CTSG: variants seen among roughly 807,000 people sequenced by gnomAD.
CTSG encodes cathepsin G.
CTSG carries 23 observed loss-of-function variants against 23.0 expected under a neutral mutation model. That is an observed-to-expected ratio of 1.00 (90% confidence interval 0.72 to 1.42). The LOEUF (loss-of-function observed/expected upper bound fraction) is 1.42. Among genes scored for constraint, CTSG ranks in the 40% most tolerant of loss-of-function variants. The pLI, the probability that CTSG is intolerant of heterozygous loss-of-function variation, is 0.00. For missense variants in CTSG, 312 were observed against 326.2 expected (o/e 0.96, Z 0.33); for synonymous variants, 140 against 130.4 (o/e 1.07, Z -0.50).
chr14:24,574,800 C>T lies in CTSG; in HGVS notation c.214G>A (p.Val72Ile), dbSNP rs1594807198. The change falls in exon 3 of 5, where the codon GTC becomes ATC. Residue 72 changes from valine (V) to isoleucine (I), a missense_variant. By Grantham distance (29) the Val-to-Ile change is conservative. Transcript: ENST00000216336. Reference sequence around the variant, plus strand: ...TGGATATTGTGGGCGCCCAGGGTGACATTTATATTGCTGCAAAAGCAAGAG... The same window carrying T: ...TGGATATTGTGGGCGCCCAGGGTGATATTTATATTGCTGCAAAAGCAAGAG... ...AAHCWGSNIN[V>I]TLGAHNIQRR... 1.2e-6 allele frequency: 2 copies of T among 1,613,680 alleles called. No individual in the cohort carries two copies. Among genetic ancestry groups the T allele is most frequent in the Non-Finnish European group, 1.7e-6 (2 of 1,180,012 alleles).
chr14:24,575,717 A>G (rs917900127), intron 1 of CTSG, among the ~76,000 whole-genome samples: 4 of 152,164 alleles, frequency 2.6e-5, no homozygotes, highest in Admixed American at 6.5e-5. Flanking sequence ...AGCCTCAGGT[A>G]TTGAGGAGAA....
Position 24,574,275 on chromosome 14 carries a change from C to G in CTSG, c.564G>C (p.Gly188=). The change falls in exon 4 of 5, where the codon GGG becomes GGC. Residue 188 remains glycine (G), a synonymous_variant. Coordinates refer to ENST00000216336, the MANE Select transcript of CTSG (RefSeq NM_001911.3). ...SYDPRRQICV[G]DRRERKAAFK... ...AGGCAGCCTTCCGTTCCCGCCGGTC[C>G]CCCACACAAATCTGCCTTCGGGGGT... 6.2e-7 allele frequency: 1 copy of G among 1,600,162 alleles called. No homozygotes were observed. The highest frequency in any genetic ancestry group is 1.1e-5 in the South Asian group (1 of 91,078).
chr14:24,573,905 C>G, intron 4 of CTSG, 95 bp from the exon 5 acceptor site: 1 of 1,153,162 alleles, frequency 8.7e-7, no homozygotes, highest in Non-Finnish European at 1.2e-6. Flanking sequence ...GTGGGTGGGC[C>G]CCTTCAATTG....
chr14:24,574,882 A>ATG, intron 2 of CTSG, 72 bp from the exon 3 acceptor site: 1 of 1,597,732 alleles, frequency 6.3e-7, no homozygotes, highest in Non-Finnish European at 8.5e-7. Context: ...GGCAGACAGC[A>ATG]CGGGGAGGGC....
Position 24,573,735 on chromosome 14 carries a change from G to C in CTSG, c.670C>G (p.Pro224Ala). 1 of 1,614,116 alleles carries C rather than the reference G, an allele frequency of 6.2e-7. No homozygotes were observed. The highest frequency in any genetic ancestry group is 8.5e-7 in the Non-Finnish European group (1 of 1,180,004). Residue 224 changes from proline (P) to alanine (A), a missense_variant, in exon 5 of 5, where the codon CCT (proline) becomes GCT (alanine). Coordinates refer to ENST00000216336, the MANE Select transcript of CTSG (RefSeq NM_001911.3). ...IVSYGKSSGV[P>A]PEVFTRVSSF... Reference sequence around the variant, plus strand: ...GAGACCCTGGTGAAGACTTCTGGAGGAACCCCTGACGACTTTCCATAGGAG... The same window carrying C: ...GAGACCCTGGTGAAGACTTCTGGAGCAACCCCTGACGACTTTCCATAGGAG...
At chr14:24,575,961 C>A (rs1456252700) in intron 1 of CTSG, among the ~76,000 whole-genome samples, 1 of 152,194 alleles carries the variant, frequency 6.6e-6, no homozygotes. Context: ...AGTGTGCGGG[C>A]AATTCCAAGA....
Position 24,573,829 on chromosome 14 carries a change from A to G in CTSG, c.595-19T>C. The stretch of plus-strand genomic sequence containing the variant: ...AATCCCCCTGTAGGTAGAGAGGAGA[A>G]GGGAGACTGAGACAGGCCTCCCTGC... On this transcript the variant is annotated intron_variant, in intron 4 of 4. Transcript: ENST00000216336. 6.2e-7 allele frequency: 1 copy of G among 1,606,056 alleles called. No individual in the cohort carries two copies. Among genetic ancestry groups the G allele is most frequent in the Non-Finnish European group, 8.5e-7 (1 of 1,175,276 alleles).
At position 24,575,375 on chromosome 14, in the gene CTSG, G is replaced by A; in HGVS notation, c.93C>T (p.Ser31=). The A allele has an allele frequency of 6.2e-7, 1 of 1,614,182 alleles. No individual in the cohort carries two copies. Among genetic ancestry groups the A allele is most frequent in the Non-Finnish European group, 8.5e-7 (1 of 1,180,032 alleles). ...TCTGAAGATACGCCATGTAGGGGCGGGAGTGGGGCCTGCTCTCCCGGCCTC... is the reference window on the plus strand; with the variant it reads ...TCTGAAGATACGCCATGTAGGGGCGAGAGTGGGGCCTGCTCTCCCGGCCTC... ...IIGGRESRPH[S]RPYMAYLQIQ... Residue 31 remains serine, a synonymous_variant, in exon 2 of 5, where the codon TCC becomes TCT. Coordinates refer to ENST00000216336, the MANE Select transcript of CTSG (RefSeq NM_001911.3).
chr14:24,573,964 C>T (rs2066727832), intron 4 of CTSG, among the ~76,000 whole-genome samples, 154 bp from the exon 5 acceptor site: 1 of 152,142 alleles, frequency 6.6e-6, no homozygotes, highest in Admixed American at 6.5e-5. Context: ...AGCCAAGCCT[C>T]TGGATCTTTT....
chr14:24,574,522 C>T (rs577801863), intron 3 of CTSG, 23 bp from the exon 4 acceptor site: 2 of 1,613,404 alleles, frequency 1.2e-6, no homozygotes, highest in Admixed American at 1.7e-5. Context: ...TGTAGGCGTT[C>T]CCGCTCAGCT....
chr14:24,574,795 G>A lies in CTSG; in HGVS notation c.219C>T (p.Thr73=). 1 of 1,613,838 alleles carries A rather than the reference G, an allele frequency of 6.2e-7. No homozygotes were observed. Among genetic ancestry groups the A allele is most frequent in the Non-Finnish European group, 8.5e-7 (1 of 1,180,038 alleles). ...AHCWGSNINV[T]LGAHNIQRRE... is the part of the protein sequence containing the mutation. ...GTCTCTGGATATTGTGGGCGCCCAGGGTGACATTTATATTGCTGCAAAAGC... is the reference window on the plus strand; with the variant it reads ...GTCTCTGGATATTGTGGGCGCCCAGAGTGACATTTATATTGCTGCAAAAGC... The change falls in exon 3 of 5, where the codon ACC becomes ACT. Residue 73 remains threonine, a synonymous_variant. Transcript: ENST00000216336.
intron 4 of CTSG, 30 bp downstream of exon 4, chr14:24,574,215 G>A (rs1465526260): frequency 1.3e-6 from 2 of 1,598,286 alleles, no homozygotes; most frequent in Admixed American, 1.7e-5. Context: ...CCTCTCTCCC[G>A]GGGTGTGTTG....
In CTSG at chr14:24,574,512, T is replaced by C. The variant is rs748417446; in HGVS notation, c.340-13A>G. On this transcript the variant is annotated splice_polypyrimidine_tract_variant and intron_variant, in intron 3 of 4. Coordinates refer to ENST00000216336, the MANE Select transcript of CTSG (RefSeq NM_001911.3). Reference sequence around the variant, plus strand: ...CTCTTCTGCTCAGCTGGAGGAAGAATGTAGGCGTTCCCGCTCAGCTGGGGC... The same window carrying C: ...CTCTTCTGCTCAGCTGGAGGAAGAACGTAGGCGTTCCCGCTCAGCTGGGGC... 6 of 1,613,628 alleles carry C rather than the reference T, an allele frequency of 3.7e-6. No individual in the cohort carries two copies. The highest frequency in any genetic ancestry group is 4.5e-5 in the East Asian group (2 of 44,844).
Position 24,573,701 on chromosome 14 carries a change from A to G in CTSG, c.704T>C (p.Leu235Pro), listed in dbSNP as rs2066725961. 3 of 1,614,134 alleles carry G rather than the reference A, an allele frequency of 1.9e-6. No individual in the cohort carries two copies. Among genetic ancestry groups the G allele is most frequent in the East Asian group, 4.5e-5 (2 of 44,866 alleles). Residue 235 changes from leucine to proline, a missense_variant, in exon 5 of 5, where the codon CTG (leucine) becomes CCG (proline). By Grantham distance (98) the Leu-to-Pro change is moderately conservative. Coordinates refer to ENST00000216336, the MANE Select transcript of CTSG (RefSeq NM_001911.3). ...PEVFTRVSSF[L>P]PWIRTTMRSF... Reference sequence around the variant, plus strand: ...TCTCATTGTTGTCCTTATCCAGGGCAGGAAACTTGAGACCCTGGTGAAGAC... The same window carrying G: ...TCTCATTGTTGTCCTTATCCAGGGCGGGAAACTTGAGACCCTGGTGAAGAC...
rs375553712 is a variant in CTSG at position 24,574,644 on chromosome 14, G to C, written c.339+31C>G. The C allele has an allele frequency of 2.5e-6, 4 of 1,614,038 alleles. No individual in the cohort carries two copies. The Admixed American group carries it at 5.0e-5, about 20-fold the overall frequency. On this transcript the variant is annotated intron_variant, in intron 3 of 4. Transcript: ENST00000216336. The stretch of plus-strand genomic sequence containing the variant: ...TCCTCCATTGTCCCCGGACACACTA[G>C]GAAGGAGCCAGAGGGCCAGGTAGGT...
At chr14:24,574,599 G>T (rs992535799) in intron 3 of CTSG, 76 bp downstream of exon 3, 1 of 1,611,726 alleles carries the variant, frequency 6.2e-7, no homozygotes, top group Non-Finnish European at 8.5e-7. Context: ...CCGCCACCCC[G>T]GAGCCTTGCC....
In CTSG at chr14:24,574,360, C is replaced by T. The variant is rs192161857; in HGVS notation, c.479G>A (p.Arg160Gln). 1.7e-5 allele frequency: 27 copies of T among 1,609,278 alleles called. No individual in the cohort carries two copies. The highest frequency in any genetic ancestry group is 8.9e-5 in the East Asian group (4 of 44,872). The change falls in exon 4 of 5, where the codon CGA becomes CAA. Residue 160 changes from arginine to glutamine, a missense_variant. Coordinates refer to ENST00000216336, the MANE Select transcript of CTSG (RefSeq NM_001911.3). ...VSMRRGTDTLREVQLRVQRDR... is the reference protein window; with the variant it reads ...VSMRRGTDTLQEVQLRVQRDR... ...CCTCTGCACTCTCAGCTGCACCTCT[C>T]GGAGTGTATCTGTTCCCCTCCTCAT...
In CTSG at chr14:24,574,460, C is replaced by A; in HGVS notation, c.379G>T (p.Val127Leu). The A allele has an allele frequency of 6.2e-7, 1 of 1,614,036 alleles. No individual in the cohort carries two copies. The highest frequency in any genetic ancestry group is 8.5e-7 in the Non-Finnish European group (1 of 1,180,030). ...CCCTCCTGGGCTCTAGGCAGAGCCA[C>A]TGGGTTCACGTTTCGATTCCGTCTG... ...RVRRNRNVNP[V>L]ALPRAQEGLR... The change falls in exon 4 of 5, where the codon GTG (valine) becomes TTG (leucine). Residue 127 changes from valine to leucine, a missense_variant. Coordinates refer to ENST00000216336, the MANE Select transcript of CTSG (RefSeq NM_001911.3).
At position 24,573,754 on chromosome 14, in the gene CTSG, A is replaced by G. The variant is rs143670260; in HGVS notation, c.651T>C (p.Tyr217=). ...CTGGAGGAACCCCTGACGACTTTCC[A>G]TAGGAGACGATGCCGTGGGCCACAT... is the stretch of plus-strand genomic sequence containing the variant. ...CNNVAHGIVS[Y]GKSSGVPPEV... Residue 217 remains tyrosine, a synonymous_variant, in exon 5 of 5, where the codon TAT becomes TAC. Transcript: ENST00000216336. 1.1e-3 allele frequency: 1,842 copies of G among 1,614,104 alleles called. 1 individual carries two copies. Among genetic ancestry groups the G allele is most frequent in the Non-Finnish European group, 1.4e-3 (1,677 of 1,180,012 alleles).
Sources: allele counts gnomAD v4.1 joint callset (sites outside exome capture counted in the v4.1 genomes callset), GRCh38; gene constraint gnomAD v4.1.1; transcripts MANE v1.5; gene names NCBI Gene and HGNC (gene_info 2026-07-23, HGNC 2026-07-21).